ENTPD1: variants seen among roughly 807,000 people sequenced by gnomAD.
ENTPD1 encodes ectonucleoside triphosphate diphosphohydrolase 1, also known as ATP diphosphohydrolase.
ENTPD1 carries 33 observed loss-of-function variants against 57.0 expected under a neutral mutation model. The ratio of observed to expected loss-of-function variants is 0.58; its 90% CI spans 0.44 to 0.77. The LOEUF (loss-of-function observed/expected upper bound fraction) is 0.77. Among genes scored for constraint, ENTPD1 ranks in the 30% least tolerant of loss-of-function variants. The pLI is 0.00. For synonymous variants in ENTPD1, 202 were observed against 218.8 expected (o/e 0.92, Z 0.68); for missense variants, 501 against 603.4 (o/e 0.83, Z 1.78).
chr10:95,770,355 T>TCAACTGGGTC (rs1410859243), intron 1 of ENTPD1, among the ~76,000 whole-genome samples: 2 of 151,832 alleles, frequency 1.3e-5, no homozygotes, highest in Admixed American at 1.3e-4. Flanking sequence ...GAAAAGTGTT[T>TCAACTGGGTC]CAACTGGGTC....
chr10:95,705,755 G>A, the ENTPD1 span, among the ~76,000 whole-genome samples: 1 of 152,192 alleles, frequency 6.6e-6, no homozygotes, highest in Non-Finnish European at 1.5e-5. Context: ...GCCTCCCAAA[G>A]TGCTGGGATT....
At chr10:95,809,980 CAGAAA>C (rs2098296339) in intron 1 of ENTPD1, among the ~76,000 whole-genome samples, 1 of 146,070 alleles carries the variant, frequency 6.8e-6, no homozygotes. Flanking sequence ...CCTCACCTCC[CAGAAA>C]GGGCGGCCGG....
intron 1 of ENTPD1, among the ~76,000 whole-genome samples, chr10:95,721,409 C>T (rs376930786): frequency 6.6e-6 from 1 of 152,156 alleles, no homozygotes; most frequent in Non-Finnish European, 1.5e-5. Flanking sequence ...TACCAGAGAT[C>T]GCCAAACTCT....
rs1166813953 is a variant in ENTPD1, at chr10:95,874,028, G to T, written c.*7645G>T. 3.3e-5 allele frequency among the ~76,000 whole-genome samples: 5 copies of T among 152,120 alleles called. No individual in the cohort carries two copies. The highest frequency in any genetic ancestry group is 1.2e-4 in the African/African-American group (5 of 41,406). ...TACAATTCAAGTTGAGATTTGGGTG[G>T]GGACACAGCCAAACCATATCATTCC... On this transcript the variant is annotated 3_prime_UTR_variant, in exon 10 of 10. Coordinates refer to ENST00000371205, the MANE Select transcript of ENTPD1 (RefSeq NM_001776.6).
At chr10:95,797,979 G>A (rs552469659) in intron 1 of ENTPD1, among the ~76,000 whole-genome samples, 26 of 152,298 alleles carry the variant, frequency 1.7e-4, no homozygotes, top group African/African-American at 6.3e-4. Flanking sequence ...TCACCATTCA[G>A]TTGGCATATG....
At chr10:95,709,115 A>T (rs1203481130), upstream of ENTPD1, among the ~76,000 whole-genome samples, 1 of 152,210 alleles carries the variant, frequency 6.6e-6, no homozygotes, top group Non-Finnish European at 1.5e-5. Flanking sequence ...AGTTATAGGA[A>T]ATTGAGAGTA....
chr10:95,719,374 G>T (rs1412419979), intron 1 of ENTPD1, among the ~76,000 whole-genome samples: 1 of 152,162 alleles, frequency 6.6e-6, no homozygotes, highest in Non-Finnish European at 1.5e-5. Context: ...TACTAAATGG[G>T]TATTGGCTTT....
At position 95,845,508 on chromosome 10, in the gene ENTPD1, A is replaced by G. The variant is rs2098433430; in HGVS notation, c.725A>G (p.Tyr242Cys). Residue 242 changes from tyrosine to cysteine, a missense_variant, in exon 6 of 10, where the codon TAT (tyrosine) becomes TGT (cysteine). Physicochemically the swap from Tyr to Cys is radical, Grantham distance 194. Transcript: ENST00000371205. Reference sequence around the variant, plus strand: ...GATAATGCTCTGCAATTTCGCCTCTATGGCAAGGACTACAATGTCTACACA... The same window carrying G: ...GATAATGCTCTGCAATTTCGCCTCTGTGGCAAGGACTACAATGTCTACACA... ...SPDNALQFRLYGKDYNVYTHS... is the reference protein window; with the variant it reads ...SPDNALQFRLCGKDYNVYTHS... The G allele has an allele frequency of 6.2e-7, 1 of 1,614,222 alleles. No individual in the cohort carries two copies. Among genetic ancestry groups the G allele is most frequent in the South Asian group, 1.1e-5 (1 of 91,082 alleles).
chr10:95,798,719 C>G (rs1174280861), intron 1 of ENTPD1, among the ~76,000 whole-genome samples: 1 of 152,124 alleles, frequency 6.6e-6, no homozygotes, highest in African/African-American at 2.4e-5. Flanking sequence ...AAATATTTTA[C>G]AAGTCATTTC....
chr10:95,856,651 C>CATATATATATATATATATAT (rs66753059), intron 7 of ENTPD1, among the ~76,000 whole-genome samples: 25 of 142,200 alleles, frequency 1.8e-4, no homozygotes, highest in African/African-American at 4.9e-4. Flanking sequence ...TATATGTATG[C>CATATATATATATATATATAT]ATATATATAT....
At chr10:95,814,474 G>A (rs540456500) in intron 1 of ENTPD1, among the ~76,000 whole-genome samples, 1 of 152,248 alleles carries the variant, frequency 6.6e-6, no homozygotes, top group Non-Finnish European at 1.5e-5. Flanking sequence ...CTGCTAATCT[G>A]AGAAGAGTGT....
intron 1 of ENTPD1, among the ~76,000 whole-genome samples, chr10:95,737,249 G>A (rs529300265): frequency 6.6e-6 from 1 of 151,726 alleles, no homozygotes; most frequent in Non-Finnish European, 1.5e-5. Context: ...ATTAAGCAAT[G>A]ATGTCATATG....
intron 1 of ENTPD1, among the ~76,000 whole-genome samples, chr10:95,720,249 T>C (rs1416916342): frequency 1.3e-5 from 2 of 152,110 alleles, no homozygotes; most frequent in African/African-American, 2.4e-5. Flanking sequence ...CTCGTCCATA[T>C]TGTCCGTCTG....
chr10:95,794,196 T>C (rs1566156028), intron 1 of ENTPD1, among the ~76,000 whole-genome samples: 1 of 152,156 alleles, frequency 6.6e-6, no homozygotes, highest in African/African-American at 2.4e-5. Context: ...ACTACAGTTT[T>C]ATTATTATTA....
At chr10:95,789,591 A>G (rs530204307) in intron 1 of ENTPD1, among the ~76,000 whole-genome samples, 48 of 152,310 alleles carry the variant, frequency 3.2e-4, no homozygotes, top group African/African-American at 1.1e-3. Flanking sequence ...TGAACCATAT[A>G]GCCTAGAAAT....
chr10:95,763,033 A>G (rs916448034), intron 1 of ENTPD1, among the ~76,000 whole-genome samples: 2 of 152,120 alleles, frequency 1.3e-5, no homozygotes, highest in Non-Finnish European at 2.9e-5. Context: ...GCTTTATCAT[A>G]TAAAAGTATT....
At position 95,758,002 on chromosome 10, in the gene ENTPD1, C is replaced by CAAAAAAA. The variant is rs57407553; in HGVS notation, c.16+1769_16+1775dup. On this transcript the variant is annotated intron_variant, in intron 1 of 9. Coordinates refer to ENST00000371205, the MANE Select transcript of ENTPD1 (RefSeq NM_001776.6). ...CCTGGGCGAGAGTGAGACACTGTCTCAAAAAAAAAAAAAAAAAAAAAAAAA... is the reference window on the plus strand; with the variant it reads ...CCTGGGCGAGAGTGAGACACTGTCTCAAAAAAAAAAAAAAAAAAAAAAAAAAAAAAAA... 2.9e-3 allele frequency among the ~76,000 whole-genome samples: 76 copies of CAAAAAAA among 26,346 alleles called. 4 individuals are homozygous for CAAAAAAA. Among genetic ancestry groups the CAAAAAAA allele is most frequent in the East Asian group, 3.5e-3 (2 of 578 alleles). 17.3% of individuals were successfully genotyped at this position (26,346 alleles called of 152,430 possible).
At chr10:95,696,625 C>G in the ENTPD1 span, among the ~76,000 whole-genome samples, 1 of 152,128 alleles carries the variant, frequency 6.6e-6, no homozygotes, top group African/African-American at 2.4e-5. Flanking sequence ...ATATAGAACT[C>G]TCAATACTTT....
intron 4 of ENTPD1, among the ~76,000 whole-genome samples, chr10:95,843,497 A>T (rs975553927): frequency 1.5e-4 from 23 of 152,250 alleles, no homozygotes; most frequent in African/African-American, 5.5e-4. Context: ...AATTATTAAC[A>T]AGATAAGGAA....
Sources: allele counts gnomAD v4.1 joint callset (sites outside exome capture counted in the v4.1 genomes callset), GRCh38; gene constraint gnomAD v4.1.1; transcripts MANE v1.5; gene names NCBI Gene and HGNC (gene_info 2026-07-23, HGNC 2026-07-21).